Variants in HUWE1 observed in about 807,000 individuals in gnomAD.
HUWE1 encodes the protein E3 ubiquitin-protein ligase HUWE1.
Under a neutral mutation model 299.4 loss-of-function variants are expected in HUWE1, and 18 were observed. The observed-to-expected ratio is 0.06, with a 90% CI of 0.04 to 0.09. The LOEUF is 0.09. Ranked by LOEUF, HUWE1 falls within the 10% of genes least tolerant of loss-of-function variation. The pLI is 1.00. For synonymous variants in HUWE1, 1,317 were observed against 1,286.1 expected, an observed-to-expected ratio of 1.02 and a Z score of -0.51; for missense variants, 1,832 against 3,462.3, an observed-to-expected ratio of 0.53 and a Z score of 11.82.
chrX:53,589,378 C>T (rs2064030873), intron 36 of HUWE1, among the ~76,000 whole-genome samples, 169 bp downstream of exon 36: 1 of 111,634 alleles, frequency 9.0e-6, no homozygotes, highest in African/African-American at 3.3e-5. Context: ...TTTGTGTGTG[C>T]GATGTAGTTA....
chrX:53,543,940 G>A lies in HUWE1; in HGVS notation c.11280C>T (p.Ser3760=). ...LGSSGLGSAS[S]IQAAVRQLEA... Reference sequence around the variant, plus strand: ...CCAGCTGCCGAACAGCTGCCTGGATGCTGCTAGCTGAGCCTAAACCGGAGG... The same window carrying A: ...CCAGCTGCCGAACAGCTGCCTGGATACTGCTAGCTGAGCCTAAACCGGAGG... Residue 3760 remains serine (S), a synonymous_variant, in exon 73 of 84, where the codon AGC becomes AGT. Coordinates refer to ENST00000262854, the MANE Select transcript of HUWE1 (RefSeq NM_031407.7). 8.3e-7 allele frequency: 1 copy of A among 1,207,633 alleles called. No individual in the cohort carries two copies. Among genetic ancestry groups the A allele is most frequent in the Non-Finnish European group, 1.1e-6 (1 of 893,147 alleles).
chrX:53,583,061 A>T (rs782398731), intron 42 of HUWE1, among the ~76,000 whole-genome samples: 2 of 112,086 alleles, frequency 1.8e-5, no homozygotes, highest in African/African-American at 3.2e-5. Context: ...AAATATAATA[A>T]CCTGTTTTCT....
intron 43 of HUWE1, among the ~76,000 whole-genome samples, chrX:53,578,499 G>C (rs1297536507): frequency 1.5e-4 from 10 of 68,342 alleles, no homozygotes; most frequent in African/African-American, 1.7e-4. Flanking sequence ...GTCAGCCCCC[G>C]GCCCGGCCAG....
At chrX:53,557,807 G>C (rs1303440870) in intron 59 of HUWE1, among the ~76,000 whole-genome samples, 1 of 111,545 alleles carries the variant, frequency 9.0e-6, no homozygotes, top group African/African-American at 3.3e-5. Context: ...TCACAGGCTA[G>C]GTTCACTTAT....
rs188017973 is a variant in HUWE1 at position 53,602,165 on chromosome X, A to G, written c.2971+399T>C. Among the ~76,000 whole-genome samples, 238 of 111,917 alleles carry G rather than the reference A, an allele frequency of 2.1e-3. 1 individual carries two copies. Among genetic ancestry groups the G allele is most frequent in the Admixed American group, 5.8e-3 (61 of 10,548 alleles). On this transcript the variant is annotated intron_variant, in intron 28 of 83. Coordinates refer to ENST00000262854, the MANE Select transcript of HUWE1 (RefSeq NM_031407.7). Reference sequence around the variant, plus strand: ...CATTTGTAGAAAAGTAGATACAAAAATGTTCATTTTTTAAAAATAGCATAT... The same window carrying G: ...CATTTGTAGAAAAGTAGATACAAAAGTGTTCATTTTTTAAAAATAGCATAT...
At chrX:53,621,446 T>A (rs782639063) in intron 19 of HUWE1, among the ~76,000 whole-genome samples, 1 of 108,491 alleles carries the variant, frequency 9.2e-6, no homozygotes, top group Non-Finnish European at 1.9e-5. Context: ...GTTACTTTTA[T>A]AATAATTTCT....
Position 53,564,682 on chromosome X carries a change from A to G in HUWE1, c.6921T>C (p.Asp2307=), listed in dbSNP as rs1268939676. The change falls in exon 51 of 84, where the codon GAT becomes GAC. Residue 2307 remains aspartate (D), a synonymous_variant. Transcript: ENST00000262854. ...GEAEVQEEDH[D]VTQTEVADGD... is the part of the protein sequence containing the mutation. ...CATCTGCCACCTCTGTCTGAGTGACATCATGATCCTCCTCCTGCACTTCTG... is the reference window on the plus strand; with the variant it reads ...CATCTGCCACCTCTGTCTGAGTGACGTCATGATCCTCCTCCTGCACTTCTG... 2 of 1,212,004 alleles carry G rather than the reference A, an allele frequency of 1.7e-6. No homozygotes were observed. The highest frequency in any genetic ancestry group is 1.1e-6 in the Non-Finnish European group (1 of 895,587).
rs782530883 is a variant in HUWE1, at chrX:53,554,814, T to C, written c.8313A>G (p.Gln2771=). The change falls in exon 61 of 84, where the codon CAA becomes CAG. Residue 2771 remains glutamine, a synonymous_variant. Coordinates refer to ENST00000262854, the MANE Select transcript of HUWE1 (RefSeq NM_031407.7). ...AAGCTGGTGGGGTTGGGAGTGTTGG[T>C]TGCTGTTGTGAGGATTGCAGAGTGC... ...TLGTLQSSQQ[Q]PTLPTPPALG... is the part of the protein sequence containing the mutation. The C allele has an allele frequency of 4.1e-6, 5 of 1,209,374 alleles. No homozygotes were observed. Among genetic ancestry groups the C allele is most frequent in the Middle Eastern group, 2.3e-4 (1 of 4,372 alleles).
chrX:53,616,891 G>T, intron 21 of HUWE1, 79 bp downstream of exon 21: 1 of 855,422 alleles, frequency 1.2e-6, no homozygotes, highest in Non-Finnish European at 1.7e-6. Flanking sequence ...CCAGTAAAAC[G>T]ATGAGAGAGA....
intron 73 of HUWE1, 109 bp from the exon 74 acceptor site, chrX:53,542,648 T>C (rs2061391337): frequency 5.4e-6 from 3 of 560,461 alleles, no homozygotes; most frequent in Non-Finnish European, 9.3e-6. Context: ...GCAAAGAAGC[T>C]TCCCATATTT....
rs782691840 is a variant in HUWE1 at position 53,648,251 on chromosome X, G to A, written c.105C>T (p.Leu35=). 61 of 1,204,180 alleles carry A rather than the reference G, an allele frequency of 5.1e-5. No individual in the cohort carries two copies. Among genetic ancestry groups the A allele is most frequent in the Non-Finnish European group, 6.4e-5 (57 of 890,027 alleles). The change falls in exon 5 of 84, where the codon CTC becomes CTT. Residue 35 remains leucine, a synonymous_variant. Transcript: ENST00000262854. ...ATGTTTTGATCTGCTGCAGTTCCAA[G>A]AGAAGTTGCTCATCATTACAAACTT... is the stretch of plus-strand genomic sequence containing the variant. ...KLKVCNDEQL[L]LELQQIKTWN...
In HUWE1 at chrX:53,575,163, T is replaced by C; in HGVS notation, c.6089A>G (p.Gln2030Arg). The change falls in exon 46 of 84, where the codon CAA (glutamine) becomes CGA (arginine). Residue 2030 changes from glutamine (Q) to arginine (R), a missense_variant. Physicochemically the swap from Gln to Arg is conservative, Grantham distance 43 (BLOSUM62 1). Transcript: ENST00000262854. ...GAAAAGCAAATCATTACCCTCTCCTTGGGAGGTCCCAGATGCGGAAGTCTC... is the reference window on the plus strand; with the variant it reads ...GAAAAGCAAATCATTACCCTCTCCTCGGGAGGTCCCAGATGCGGAAGTCTC... Reference protein sequence around the residue: ...STETSASGTSQGEASTPEESR... With the variant: ...STETSASGTSRGEASTPEESR... 1.7e-6 allele frequency: 2 copies of C among 1,201,298 alleles called. No individual in the cohort carries two copies. The highest frequency in any genetic ancestry group is 2.3e-6 in the Non-Finnish European group (2 of 886,909).
rs1477680618 is a variant in HUWE1, at chrX:53,586,536, T to C, written c.4778A>G (p.Tyr1593Cys). ...ITPVLLLIDFYEKTAISSKRR... is the reference protein window; with the variant it reads ...ITPVLLLIDFCEKTAISSKRR... ...TTTTGAGGAGATGGCTGTCTTTTCA[T>C]AGAAATCAATCAGGAGCAACACTGG... Residue 1593 changes from tyrosine (Y) to cysteine (C), a missense_variant, in exon 39 of 84, where the codon TAT becomes TGT. Around this residue, in one of 15 missense-constraint regions of HUWE1, gnomAD observed 658 missense variants for 1,282.6 expected, o/e 0.51. Coordinates refer to ENST00000262854, the MANE Select transcript of HUWE1 (RefSeq NM_031407.7). 1.7e-6 allele frequency: 2 copies of C among 1,207,381 alleles called. No homozygotes were observed. Among genetic ancestry groups the C allele is most frequent in the East Asian group, 5.9e-5 (2 of 33,831 alleles).
At chrX:53,646,751 T>C (rs1023226389) in intron 6 of HUWE1, among the ~76,000 whole-genome samples, 2 of 112,062 alleles carry the variant, frequency 1.8e-5, no homozygotes, top group African/African-American at 3.2e-5. Flanking sequence ...ACTGAAGACG[T>C]AGGAAAACAC....
chrX:53,680,330 T>C, intron 2 of HUWE1, 144 bp from the exon 3 acceptor site: 2 of 272,153 alleles, frequency 7.3e-6, no homozygotes, highest in Non-Finnish European at 1.3e-5. Context: ...ATTTGCATTT[T>C]TTAGGACCTG....
chrX:53,609,811 G>A (rs1557000444), intron 23 of HUWE1, among the ~76,000 whole-genome samples: 3 of 112,042 alleles, frequency 2.7e-5, no homozygotes. Context: ...AGAGGAAGAA[G>A]ACAAGAAAGT....
chrX:53,628,611 A>G lies in HUWE1; in HGVS notation c.1124T>C (p.Met375Thr), dbSNP rs781918211. 1 of 1,174,598 alleles carries G rather than the reference A, an allele frequency of 8.5e-7. No individual in the cohort carries two copies. The highest frequency in any genetic ancestry group is 1.1e-6 in the Non-Finnish European group (1 of 876,153). ...NCIQAMIDPS[M>T]DPYPHQFATA... ...GGCAAACTGGTGAGGGTATGGATCC[A>G]TGGAAGGATCTACAAGGGAGGTGGG... The change falls in exon 15 of 84, where the codon ATG becomes ACG. Residue 375 changes from methionine to threonine, a missense_variant. Physicochemically the swap from Met to Thr is moderately conservative, Grantham distance 81. This residue lies in a region of HUWE1 where 658 missense variants were observed against 1,282.6 expected (regional missense o/e 0.51). Transcript: ENST00000262854.
chrX:53,608,985 T>TATAAA, intron 23 of HUWE1, 76 bp from the exon 24 acceptor site: 3 of 618,188 alleles, frequency 4.9e-6, no homozygotes, highest in South Asian at 4.5e-5. Context: ...GGAGGCACTG[T>TATAAA]ATAAAATTCT....
At position 53,600,664 on chromosome X, in the gene HUWE1, G is replaced by C. The variant is rs55939716; in HGVS notation, c.2972-355C>G. ...ATGCCCTACTAGAATGTTATAGCTT[G>C]TTAAGTTCAAACTAGACATCACAGA... On this transcript the variant is annotated intron_variant, in intron 28 of 83. Transcript: ENST00000262854. Among the ~76,000 whole-genome samples the C allele has an allele frequency of 6.9e-3, 778 of 112,621 alleles. 2 individuals are homozygous for C. Among genetic ancestry groups the C allele is most frequent in the Non-Finnish European group, 0.011 (574 of 53,274 alleles).
Sources: allele counts gnomAD v4.1 joint callset (sites outside exome capture counted in the v4.1 genomes callset), GRCh38; gene constraint gnomAD v4.1.1; regional missense constraint gnomAD v4.1.1; transcripts MANE v1.5; gene names NCBI Gene and HGNC (gene_info 2026-07-23, HGNC 2026-07-21).